Variants in OMA1 observed in about 807,000 individuals in gnomAD.
The protein encoded by OMA1 is OMA1 zinc metallopeptidase, also known as metalloendopeptidase OMA1, mitochondrial.
A neutral mutation model predicts 30.9 loss-of-function variants in OMA1; 38 were observed. That is an observed-to-expected ratio of 1.23 (90% CI 0.95 to 1.61). The LOEUF is 1.61. Ranked by LOEUF, OMA1 falls within the 40% of genes most tolerant of loss-of-function variation. OMA1 has a pLI of 0.00. For missense variants in OMA1, 461 were observed against 349.2 expected, an observed-to-expected ratio of 1.32 and a Z score of -2.55; for synonymous variants, 173 against 121.9, an observed-to-expected ratio of 1.42 and a Z score of -2.76.
chr1:58,491,788 T>A (rs1054729215), intron 8 of OMA1, among the ~76,000 whole-genome samples: 1 of 151,570 alleles, frequency 6.6e-6, no homozygotes, highest in African/African-American at 2.4e-5. Context: ...ACCTACAAAG[T>A]GACTTAGACT....
Position 58,480,890 on chromosome 1 carries a change from C to T in OMA1, c.*75G>A, listed in dbSNP as rs1645468744. ...TCCTTTTTTTTTTCACTTCAAACATCATTTTTTAAAAAGTAACATAAAATG... is the reference window on the plus strand; with the variant it reads ...TCCTTTTTTTTTTCACTTCAAACATTATTTTTTAAAAAGTAACATAAAATG... On this transcript the variant is annotated 3_prime_UTR_variant, in exon 9 of 9. Transcript: ENST00000371226. 1.4e-6 allele frequency: 1 copy of T among 716,320 alleles called. No individual in the cohort carries two copies. The highest frequency in any genetic ancestry group is 2.3e-6 in the Non-Finnish European group (1 of 428,462). 44.4% of individuals were successfully genotyped at this position (716,320 alleles called of 1,614,324 possible).
intron 7 of OMA1, among the ~76,000 whole-genome samples, chr1:58,515,396 G>T (rs1646143999): frequency 6.6e-6 from 1 of 151,898 alleles, no homozygotes; most frequent in South Asian, 2.1e-4. Context: ...TTGCCAGCAG[G>T]TCATTTCACC....
chr1:58,487,726 AG>A (rs1208425529), intron 8 of OMA1, among the ~76,000 whole-genome samples: 2 of 152,148 alleles, frequency 1.3e-5, no homozygotes, highest in African/African-American at 4.8e-5. Flanking sequence ...TAGTAATTTG[AG>A]AAGCTTCATT....
rs755799148 is a variant in OMA1, at chr1:58,534,201, A to G, written c.860T>C (p.Ile287Thr). The change falls in exon 4 of 9, where the codon ATT (isoleucine) becomes ACT (threonine). Residue 287 changes from isoleucine to threonine, a missense_variant. Transcript: ENST00000371226. ...AATAATTGGGGAATCAACCACATGA[A>G]TAACCCAATTGATCTGAGAGATCCC... ...VPGISQINWV[I>T]HVVDSPIINA... The G allele has an allele frequency of 2.3e-6, 2 of 872,022 alleles. No individual in the cohort carries two copies. Among genetic ancestry groups the G allele is most frequent in the South Asian group, 2.6e-5 (2 of 76,134 alleles). 54.0% of individuals were successfully genotyped at this position (872,022 alleles called of 1,614,324 possible).
intron 8 of OMA1, among the ~76,000 whole-genome samples, chr1:58,485,092 T>C (rs1645552461): frequency 6.6e-6 from 1 of 151,950 alleles, no homozygotes; most frequent in Non-Finnish European, 1.5e-5. Flanking sequence ...GTAACTAATA[T>C]TATCACTCTG....
At chr1:58,496,660 A>T (rs1645808017) in intron 8 of OMA1, among the ~76,000 whole-genome samples, 2 of 152,192 alleles carry the variant, frequency 1.3e-5, no homozygotes, top group African/African-American at 4.8e-5. Context: ...AAATAAGATT[A>T]TCCTCATTTT....
At chr1:58,519,906 A>G (rs1646234781) in intron 7 of OMA1, among the ~76,000 whole-genome samples, 1 of 152,252 alleles carries the variant, frequency 6.6e-6, no homozygotes, top group African/African-American at 2.4e-5. Flanking sequence ...ATACGAATTT[A>G]ATGTAGAACA....
chr1:58,492,828 A>G (rs182150681), intron 8 of OMA1, among the ~76,000 whole-genome samples: 1,652 of 152,324 alleles, frequency 0.011, 30 homozygotes, highest in African/African-American at 0.037. Flanking sequence ...GCCGAATTCT[A>G]CCAGAGGTAC....
chr1:58,501,222 C>A (rs1201622445), intron 8 of OMA1, among the ~76,000 whole-genome samples: 3 of 152,062 alleles, frequency 2.0e-5, no homozygotes, highest in Non-Finnish European at 2.9e-5. Flanking sequence ...CATGTTTTAT[C>A]TTGAAATTCA....
At chr1:58,537,432 T>C (rs191184435) in intron 2 of OMA1, among the ~76,000 whole-genome samples, 1 of 152,288 alleles carries the variant, frequency 6.6e-6, no homozygotes, top group East Asian at 1.9e-4. Flanking sequence ...TCCACTATCC[T>C]CTTTACAACG....
chr1:58,545,212 T>G (rs1360468162), intron 1 of OMA1, among the ~76,000 whole-genome samples: 1 of 152,216 alleles, frequency 6.6e-6, no homozygotes, highest in East Asian at 1.9e-4. Context: ...TGCACATCTA[T>G]TCACACTGCT....
intron 8 of OMA1, among the ~76,000 whole-genome samples, chr1:58,503,353 A>C (rs1030757761): frequency 6.6e-6 from 1 of 152,174 alleles, no homozygotes; most frequent in African/African-American, 2.4e-5. Context: ...AGAAATACAT[A>C]ATGTCCCATG....
At chr1:58,481,197 A>C (rs1165080046) in intron 8 of OMA1, 23 bp from the exon 9 acceptor site, 4 of 744,956 alleles carry the variant, frequency 5.4e-6, no homozygotes, top group African/African-American at 1.8e-5. Context: ...AATAAAATAA[A>C]AAAATACTAT....
At chr1:58,523,143 C>T (rs1044518985) in intron 7 of OMA1, among the ~76,000 whole-genome samples, 4 of 152,318 alleles carry the variant, frequency 2.6e-5, no homozygotes, top group South Asian at 2.1e-4. Flanking sequence ...AAGTCATCCA[C>T]GGTTAATTCC....
chr1:58,537,508 C>G (rs1419971810), intron 2 of OMA1, among the ~76,000 whole-genome samples: 1 of 152,076 alleles, frequency 6.6e-6, no homozygotes, highest in East Asian at 1.9e-4. Context: ...TAGATAACAT[C>G]TGAGAAGGTC....
At chr1:58,527,792 T>G (rs1646375338) in intron 6 of OMA1, among the ~76,000 whole-genome samples, 1 of 152,242 alleles carries the variant, frequency 6.6e-6, no homozygotes, top group African/African-American at 2.4e-5. Flanking sequence ...TATAGCAGAA[T>G]GCTCTTTCTT....
At chr1:58,490,120 T>C (rs927254064) in intron 8 of OMA1, among the ~76,000 whole-genome samples, 3 of 152,150 alleles carry the variant, frequency 2.0e-5, no homozygotes, top group Non-Finnish European at 4.4e-5. Flanking sequence ...GAGAGAAGAA[T>C]GCTTCAGACG....
At position 58,527,135 on chromosome 1, in the gene OMA1, A is replaced by G; in HGVS notation, c.1215+126T>C. 4.9e-6 allele frequency: 3 copies of G among 612,864 alleles called. 1 individual carries two copies. In the South Asian group the frequency reaches 6.1e-5, roughly 12 times the overall value. 38.0% of individuals were successfully genotyped at this position (612,864 alleles called of 1,614,324 possible). A position where few individuals can be genotyped will look rare whatever the true frequency, so the allele number is the denominator to read the frequency against. Reference sequence around the variant, plus strand: ...TCTTCAAATTTCTAGATTAACAGAAATTACATAAAGGGCTAATACAGTCCA... The same window carrying G: ...TCTTCAAATTTCTAGATTAACAGAAGTTACATAAAGGGCTAATACAGTCCA... On this transcript the variant is annotated intron_variant, in intron 7 of 8. Transcript: ENST00000371226.
chr1:58,535,022 A>G (rs1646494703), intron 3 of OMA1, among the ~76,000 whole-genome samples: 2 of 152,210 alleles, frequency 1.3e-5, no homozygotes, highest in South Asian at 2.1e-4. Flanking sequence ...TTCACAATGC[A>G]TTGAACAGAA....
Sources: gnomAD v4.1 joint callset for allele counts (sites outside exome capture counted in the v4.1 genomes callset) on GRCh38, gnomAD v4.1.1 for gene constraint, MANE v1.5 for transcripts, NCBI Gene and HGNC (gene_info 2026-07-23, HGNC 2026-07-21) for gene names.